BTG4: variants seen among roughly 807,000 people sequenced by gnomAD.
BTG4 encodes the protein BTG anti-proliferation factor 4, also known as protein BTG4.
In BTG4, 10 loss-of-function variants were observed where a neutral mutation model predicts 19.3. That is an observed-to-expected ratio of 0.52 (90% CI 0.32 to 0.88). The LOEUF is 0.88. Ranked by LOEUF, BTG4 falls within the 40% of genes least tolerant of loss-of-function variation. The pLI, the probability that BTG4 is intolerant of heterozygous loss-of-function variation, is 0.04. For missense variants in BTG4, 238 were observed against 281.9 expected (o/e 0.84, Z 1.11); for synonymous variants, 91 against 95.7 (o/e 0.95, Z 0.29).
the BTG4 span, among the ~76,000 whole-genome samples, chr11:111,423,236 G>A: frequency 6.6e-6 from 1 of 152,150 alleles, no homozygotes; most frequent in Non-Finnish European, 1.5e-5. Flanking sequence ...GCGGGCCCGG[G>A]AGACCGAATG....
chr11:111,513,167 G>T, upstream of BTG4: 1 of 378,604 alleles, frequency 2.6e-6, no homozygotes, highest in South Asian at 2.1e-5. Flanking sequence ...GGAAACCCGC[G>T]GTTTCTCCAG....
the BTG4 span, among the ~76,000 whole-genome samples, chr11:111,443,055 T>C: frequency 6.6e-6 from 1 of 152,158 alleles, no homozygotes; most frequent in East Asian, 1.9e-4. Flanking sequence ...ACACCAACAG[T>C]GATACATCAT....
At chr11:111,509,911 C>CTTTTTTTTTTTT (rs1450409427) in intron 1 of BTG4, among the ~76,000 whole-genome samples, 5 of 114,724 alleles carry the variant, frequency 4.4e-5, no homozygotes, top group South Asian at 2.8e-4. Context: ...TTTCTTTTTT[C>CTTTTTTTTTTTT]TTTTTTTTTT....
the BTG4 span, chr11:111,417,798 A>G: frequency 1.3e-5 from 2 of 151,438 alleles, no homozygotes; most frequent in East Asian, 1.9e-4. Flanking sequence ...TCTCCTCCCT[A>G]CTCCCAAGTG....
the BTG4 span, chr11:111,415,115 C>T: frequency 6.6e-6 from 1 of 152,218 alleles, no homozygotes; most frequent in Non-Finnish European, 1.5e-5. Context: ...ACTAACTCCT[C>T]TGGGACCCAG....
intron 1 of BTG4, among the ~76,000 whole-genome samples, chr11:111,503,453 T>A (rs1414712141): frequency 1.3e-5 from 2 of 152,224 alleles, no homozygotes; most frequent in Non-Finnish European, 2.9e-5. Flanking sequence ...ACTCTCCCAC[T>A]ATCCTTGTGT....
At chr11:111,437,626 C>T in the BTG4 span, among the ~76,000 whole-genome samples, 7 of 152,266 alleles carry the variant, frequency 4.6e-5, no homozygotes, top group South Asian at 1.0e-3. Flanking sequence ...GCATCCTCAC[C>T]GCCTTGCCTG....
chr11:111,430,806 T>G, the BTG4 span, among the ~76,000 whole-genome samples: 1 of 152,176 alleles, frequency 6.6e-6, no homozygotes. Flanking sequence ...AGAATCAACA[T>G]TAGAATCTTG....
chr11:111,442,595 G>A, the BTG4 span, among the ~76,000 whole-genome samples: 12 of 147,474 alleles, frequency 8.1e-5, no homozygotes, highest in East Asian at 4.0e-4. Context: ...GGAAGTACTC[G>A]AAAAACAACA....
intron 1 of BTG4, among the ~76,000 whole-genome samples, chr11:111,509,389 A>G (rs1340252164): frequency 6.6e-6 from 1 of 152,166 alleles, no homozygotes; most frequent in Admixed American, 6.5e-5. Context: ...GTAAATATGC[A>G]TTTAAAAAAA....
At chr11:111,412,857 T>C in the BTG4 span, among the ~76,000 whole-genome samples, 1 of 152,180 alleles carries the variant, frequency 6.6e-6, no homozygotes, top group Admixed American at 6.6e-5. Flanking sequence ...GGAGAGAATG[T>C]TATAACTCAA....
Position 111,498,736 on chromosome 11 carries a change from C to A in BTG4, c.41G>T (p.Arg14Ile). Residue 14 changes from arginine (R) to isoleucine (I), a missense_variant, in exon 2 of 5, where the codon AGA becomes ATA. Coordinates refer to ENST00000692032, the MANE Select transcript of BTG4 (RefSeq NM_001367975.1). ...EIATTVFFVTRLVKKHDKLSK... is the reference protein window; with the variant it reads ...EIATTVFFVTILVKKHDKLSK... ...TAGTTTATCATGTTTTTTCACCAAT[C>A]TTGTGACAAAGAAAACTGTTGTTGC... 3 of 1,612,828 alleles carry A rather than the reference C, an allele frequency of 1.9e-6. No individual in the cohort carries two copies. The highest frequency in any genetic ancestry group is 2.5e-6 in the Non-Finnish European group (3 of 1,179,560).
chr11:111,495,635 C>T (rs984078290), intron 4 of BTG4, among the ~76,000 whole-genome samples: 1 of 152,170 alleles, frequency 6.6e-6, no homozygotes, highest in African/African-American at 2.4e-5. Flanking sequence ...TTCATGATCT[C>T]TGGGGCCACA....
the BTG4 span, among the ~76,000 whole-genome samples, chr11:111,445,864 T>G: frequency 2.0e-5 from 3 of 152,120 alleles, no homozygotes; most frequent in African/African-American, 7.2e-5. Flanking sequence ...GCCCCTAGGA[T>G]CCCTTCCAGC....
chr11:111,438,792 A>G, the BTG4 span, among the ~76,000 whole-genome samples: 67 of 152,284 alleles, frequency 4.4e-4, no homozygotes, highest in Non-Finnish European at 9.0e-4. Context: ...AGAGGATGCT[A>G]AAGAAGGCGT....
chr11:111,424,410 G>A, the BTG4 span, among the ~76,000 whole-genome samples: 2 of 152,332 alleles, frequency 1.3e-5, no homozygotes, highest in Admixed American at 1.3e-4. Context: ...CGAAAATGCT[G>A]GGCGTCCTGC....
chr11:111,512,336 C>T lies in BTG4; in HGVS notation c.-182G>A, dbSNP rs1452178147. On this transcript the variant is annotated 5_prime_UTR_variant, in exon 1 of 5. Transcript: ENST00000692032. Reference sequence around the variant, plus strand: ...CTGGGCCTCCATCTTCTAGGCGTCTCCCTTGGAGGCCCTTCAGGGACCGCC... The same window carrying T: ...CTGGGCCTCCATCTTCTAGGCGTCTTCCTTGGAGGCCCTTCAGGGACCGCC... The T allele has an allele frequency of 6.6e-6, 1 of 152,214 alleles. No homozygotes were observed. The highest frequency in any genetic ancestry group is 1.5e-5 in the Non-Finnish European group (1 of 68,058). 9.4% of individuals were successfully genotyped at this position (152,214 alleles called of 1,614,324 possible). A position where few individuals can be genotyped will look rare whatever the true frequency, so the allele number is the denominator to read the frequency against.
chr11:111,499,987 CA>C (rs1232151925), intron 1 of BTG4, among the ~76,000 whole-genome samples: 1 of 151,848 alleles, frequency 6.6e-6, no homozygotes, highest in Non-Finnish European at 1.5e-5. Flanking sequence ...ACTAAAAATA[CA>C]AAAATTATCC....
chr11:111,395,213 G>A, the BTG4 span, among the ~76,000 whole-genome samples: 1 of 152,228 alleles, frequency 6.6e-6, no homozygotes, highest in Non-Finnish European at 1.5e-5. Context: ...CTGCAGGTGC[G>A]GTCAGGAGCT....
Sources: gnomAD v4.1 joint callset for allele counts (sites outside exome capture counted in the v4.1 genomes callset) on GRCh38, gnomAD v4.1.1 for gene constraint, MANE v1.5 for transcripts, NCBI Gene and HGNC (gene_info 2026-07-23, HGNC 2026-07-21) for gene names.